The following CHEK1 variants were observed in gnomAD, a reference collection of about 807,000 sequenced individuals.
CHEK1 encodes the protein serine/threonine-protein kinase Chk1.
In CHEK1, 32 loss-of-function variants were observed where a neutral mutation model predicts 60.2. That is an observed-to-expected ratio of 0.53 (90% CI 0.40 to 0.71). CHEK1 has a LOEUF of 0.71. Among genes scored for constraint, CHEK1 ranks in the 30% least tolerant of loss-of-function variants. CHEK1 has a pLI of 0.00. For missense variants in CHEK1, 399 were observed against 564.6 expected (o/e 0.71, Z 2.97); for synonymous variants, 179 against 187.2 (o/e 0.96, Z 0.36).
downstream of CHEK1, among the ~76,000 whole-genome samples, chr11:125,657,718 T>C (rs1359788950): frequency 6.6e-6 from 1 of 152,242 alleles, no homozygotes; most frequent in Non-Finnish European, 1.5e-5. Flanking sequence ...AACATCCCAC[T>C]AACTATTCTG....
At chr11:125,638,611 C>T (rs957049405) in intron 8 of CHEK1, among the ~76,000 whole-genome samples, 1 of 152,196 alleles carries the variant, frequency 6.6e-6, no homozygotes, top group Non-Finnish European at 1.5e-5. Context: ...ACTGCTTCCT[C>T]TGAAGCGGTA....
rs1431270206 is a variant in CHEK1 at position 125,653,188 on chromosome 11, C to T, written c.1234-558C>T. 1.3e-5 allele frequency among the ~76,000 whole-genome samples: 2 copies of T among 151,940 alleles called. No individual in the cohort carries two copies. Among genetic ancestry groups the T allele is most frequent in the Non-Finnish European group, 2.9e-5 (2 of 67,998 alleles). On this transcript the variant is annotated intron_variant, in intron 11 of 12. Coordinates refer to ENST00000438015, the MANE Select transcript of CHEK1 (RefSeq NM_001114122.3). The surrounding 1 kb of genome is among the most constrained non-coding windows in gnomAD (Gnocchi z 4.3). Reference sequence around the variant, plus strand: ...GTAGTATTTCATTGTGTATATATATCATATTATCCTCATCTGTTTGCTTGG... The same window carrying T: ...GTAGTATTTCATTGTGTATATATATTATATTATCCTCATCTGTTTGCTTGG...
At chr11:125,680,514 G>C (rs1174430048), downstream of CHEK1, among the ~76,000 whole-genome samples, 1 of 152,144 alleles carries the variant, frequency 6.6e-6, no homozygotes, top group Non-Finnish European at 1.5e-5. Context: ...GTAGAAACCA[G>C]ACTGTGCCAA....
intron 5 of CHEK1, among the ~76,000 whole-genome samples, chr11:125,632,532 A>C (rs1199322294): frequency 1.3e-5 from 2 of 152,190 alleles, no homozygotes; most frequent in Non-Finnish European, 2.9e-5. Flanking sequence ...TCTGTCACTA[A>C]GTTACAGTAG....
intron 13 of CHEK1, among the ~76,000 whole-genome samples, chr11:125,664,583 T>C (rs1187416259): frequency 6.6e-6 from 1 of 152,140 alleles, no homozygotes; most frequent in Non-Finnish European, 1.5e-5. Flanking sequence ...TTTTGAGAAA[T>C]GTCTGTTCAG....
At chr11:125,674,100 C>T (rs575317907) in intron 13 of CHEK1, among the ~76,000 whole-genome samples, 13 of 151,936 alleles carry the variant, frequency 8.6e-5, no homozygotes, top group African/African-American at 1.9e-4. Context: ...GCTGAGATCG[C>T]GCCACTGCAC....
At chr11:125,663,651 A>G (rs1218379020) in intron 13 of CHEK1, among the ~76,000 whole-genome samples, 1 of 152,078 alleles carries the variant, frequency 6.6e-6, no homozygotes, top group Non-Finnish European at 1.5e-5. Context: ...TTTGCCATGC[A>G]GAAGCTCTTT....
chr11:125,629,597 C>A, intron 5 of CHEK1, 137 bp downstream of exon 5: 1 of 657,590 alleles, frequency 1.5e-6, no homozygotes, highest in South Asian at 2.7e-5. Context: ...AAGACAAGAT[C>A]TGAAAAATCA....
At chr11:125,680,224 G>C (rs974486845), downstream of CHEK1, among the ~76,000 whole-genome samples, 2 of 152,184 alleles carry the variant, frequency 1.3e-5, no homozygotes, top group Non-Finnish European at 2.9e-5. Context: ...ATGAATGGGG[G>C]ATCCCAAAAG....
intron 13 of CHEK1, among the ~76,000 whole-genome samples, chr11:125,667,958 T>C (rs1370560321): frequency 1.3e-5 from 2 of 152,204 alleles, no homozygotes; most frequent in Non-Finnish European, 2.9e-5. Flanking sequence ...TTTTAGTTAC[T>C]ATGTTCATTG....
At position 125,655,212 on chromosome 11, in the gene CHEK1, AT is replaced by A; in HGVS notation, c.1336-10del. On this transcript the variant is annotated splice_polypyrimidine_tract_variant and intron_variant, in intron 12 of 12. Coordinates refer to ENST00000438015, the MANE Select transcript of CHEK1 (RefSeq NM_001114122.3). ...TGTTTTGACATAATTTTTTAATACT[AT>A]TTCTAATATAGGGTGATGGATTGGA... is the stretch of plus-strand genomic sequence containing the variant. 6.3e-7 allele frequency: 1 copy of A among 1,586,816 alleles called. No homozygotes were observed. The highest frequency in any genetic ancestry group is 2.2e-5 in the East Asian group (1 of 44,682).
chr11:125,653,743 T>A lies in CHEK1; in HGVS notation c.1234-3T>A. ...TGGCTTAACCTTATTTTTGTTGCCT[T>A]AGGTTACTATATCAACAACTGATAG... On this transcript the variant is annotated splice_polypyrimidine_tract_variant and splice_region_variant and intron_variant, in intron 11 of 12. Transcript: ENST00000438015. This position sits in a 1 kb window ranked among gnomAD's most constrained non-coding sequence, Gnocchi z 4.3. 6.6e-7 allele frequency: 1 copy of A among 1,515,472 alleles called. No homozygotes were observed. The highest frequency in any genetic ancestry group is 9.1e-7 in the Non-Finnish European group (1 of 1,099,716). The allele number at this position is 1,515,472 out of a possible 1,614,324, so 93.9% of individuals were successfully genotyped here. A position where few individuals can be genotyped will look rare whatever the true frequency, so the allele number is the denominator to read the frequency against.
At chr11:125,664,183 A>ATCTC (rs1297938338) in intron 13 of CHEK1, among the ~76,000 whole-genome samples, 1 of 151,490 alleles carries the variant, frequency 6.6e-6, no homozygotes, top group Non-Finnish European at 1.5e-5. Context: ...TCAATGTGGT[A>ATCTC]TCTCAATGTG....
chr11:125,626,393 A>G lies in CHEK1; in HGVS notation c.-20-356A>G, dbSNP rs904833046. The G allele has an allele frequency of 3.7e-5, 16 of 432,458 alleles. No individual in the cohort carries two copies. The South Asian group carries it at 5.0e-4, about 13-fold the overall frequency. The allele number at this position is 432,458 out of a possible 1,614,324, so 26.8% of individuals were successfully genotyped here. A position where few individuals can be genotyped will look rare whatever the true frequency, so the allele number is the denominator to read the frequency against. ...CGTTTTCTGCCCCATACCGCTCCCT[A>G]TATCCTCTTCCTCTCTTCCCCAGAC... On this transcript the variant is annotated intron_variant, in intron 1 of 12. Coordinates refer to ENST00000438015, the MANE Select transcript of CHEK1 (RefSeq NM_001114122.3).
chr11:125,653,638 A>G lies in CHEK1; in HGVS notation c.1234-108A>G, dbSNP rs1445155791. Reference sequence around the variant, plus strand: ...AGTGGGATTGCTGGAACATATAGGTAGTTTTATTTGTAGTTTTTTGAGAAA... The same window carrying G: ...AGTGGGATTGCTGGAACATATAGGTGGTTTTATTTGTAGTTTTTTGAGAAA... On this transcript the variant is annotated intron_variant, in intron 11 of 12. Transcript: ENST00000438015. This position sits in a 1 kb window ranked among gnomAD's most constrained non-coding sequence, Gnocchi z 4.3. 3.0e-6 allele frequency: 2 copies of G among 656,992 alleles called. No individual in the cohort carries two copies. The highest frequency in any genetic ancestry group is 5.3e-6 in the Non-Finnish European group (2 of 374,592). The allele number at this position is 656,992 out of a possible 1,614,324, so 40.7% of individuals were successfully genotyped here.
intron 12 of CHEK1, among the ~76,000 whole-genome samples, chr11:125,654,463 T>C (rs1476563912): frequency 6.6e-6 from 1 of 152,224 alleles, no homozygotes; most frequent in Non-Finnish European, 1.5e-5. Flanking sequence ...TTTATGTCTT[T>C]TAATAAAAAT....
At chr11:125,646,356 C>T (rs926965800) in intron 11 of CHEK1, among the ~76,000 whole-genome samples, 15 of 152,020 alleles carry the variant, frequency 9.9e-5, no homozygotes, top group Admixed American at 1.3e-4. Context: ...TATTACATTT[C>T]GTTTATCCAT....
At chr11:125,629,719 A>G (rs1300130940) in intron 5 of CHEK1, among the ~76,000 whole-genome samples, 2 of 142,044 alleles carry the variant, frequency 1.4e-5, no homozygotes, top group Non-Finnish European at 3.2e-5. Context: ...CACTATATGT[A>G]TAAGAATAAT....
intron 13 of CHEK1, among the ~76,000 whole-genome samples, chr11:125,663,163 C>A (rs1157850737): frequency 6.6e-6 from 1 of 150,430 alleles, no homozygotes; most frequent in Non-Finnish European, 1.5e-5. Flanking sequence ...GTCTCCCATT[C>A]TGTTGCTTAT....
Sources: allele counts gnomAD v4.1 joint callset (sites outside exome capture counted in the v4.1 genomes callset), GRCh38; gene constraint gnomAD v4.1.1; non-coding constraint Gnocchi (gnomAD v3.1); transcripts MANE v1.5; gene names NCBI Gene and HGNC (gene_info 2026-07-23, HGNC 2026-07-21).